The following MFGE8 variants were observed in gnomAD, a reference collection of about 807,000 sequenced individuals.
MFGE8 encodes milk fat globule EGF and factor V/VIII domain containing.
Under a neutral mutation model 42.6 loss-of-function variants are expected in MFGE8, and 34 were observed. That is an observed-to-expected ratio of 0.80 (90% CI 0.61 to 1.06). The LOEUF (loss-of-function observed/expected upper bound fraction) is 1.06, where lower values mean the gene tolerates loss of function less well. Ranked by LOEUF, MFGE8 falls within the 50% of genes least tolerant of loss-of-function variation. The pLI is 0.00. For synonymous variants in MFGE8, 230 were observed against 214.8 expected (o/e 1.07, Z -0.62); for missense variants, 510 against 516.9 (o/e 0.99, Z 0.13).
intron 2 of MFGE8, among the ~76,000 whole-genome samples, 192 bp from the exon 3 acceptor site, chr15:88,907,568 A>G (rs1898751404): frequency 6.6e-6 from 1 of 152,180 alleles, no homozygotes; most frequent in Non-Finnish European, 1.5e-5. Context: ...AGGTGCCAAG[A>G]AAAGGTATGT....
At chr15:88,904,637 C>G (rs775054140) in intron 5 of MFGE8, 1 of 152,212 alleles carries the variant, frequency 6.6e-6, no homozygotes, top group Non-Finnish European at 1.5e-5. Flanking sequence ...TTCCTTCTAG[C>G]AGAAGGCAAA....
chr15:88,904,280 A>C (rs563792576), intron 5 of MFGE8: 5 of 152,360 alleles, frequency 3.3e-5, no homozygotes, highest in African/African-American at 9.6e-5. Context: ...TACCAAAGAC[A>C]CCATATGTCT....
At chr15:88,909,659 G>C (rs1567024379) in intron 2 of MFGE8, 133 bp downstream of exon 2, 1 of 1,316,804 alleles carries the variant, frequency 7.6e-7, no homozygotes, top group Non-Finnish European at 1.1e-6. Context: ...AGTCTCCCCA[G>C]AGGAGGCCTT....
At position 88,899,353 on chromosome 15, in the gene MFGE8, G is replaced by C; in HGVS notation, c.*42C>G. The C allele has an allele frequency of 6.2e-7, 1 of 1,612,416 alleles. No individual in the cohort carries two copies. Among genetic ancestry groups the C allele is most frequent in the Non-Finnish European group, 8.5e-7 (1 of 1,179,852 alleles). Reference sequence around the variant, plus strand: ...GGGGCTGAGAAGCCAAGAGGCAGCGGGCCCATGGAAAGCAGGAAGACCTGG... The same window carrying C: ...GGGGCTGAGAAGCCAAGAGGCAGCGCGCCCATGGAAAGCAGGAAGACCTGG... On this transcript the variant is annotated 3_prime_UTR_variant, in exon 8 of 8. Transcript: ENST00000268150. This position sits in a 1 kb window ranked among gnomAD's most constrained non-coding sequence, Gnocchi z 6.8.
rs1163775663 is a variant in MFGE8 at position 88,905,534 on chromosome 15, A to G, written c.685+223T>C. 6 of 700,636 alleles carry G rather than the reference A, an allele frequency of 8.6e-6. No individual in the cohort carries two copies. Among genetic ancestry groups the G allele is most frequent in the Admixed American group, 4.0e-5 (2 of 49,714 alleles). The allele number at this position is 700,636 out of a possible 1,614,324, so 43.4% of individuals were successfully genotyped here. A position where few individuals can be genotyped will look rare whatever the true frequency, so the allele number is the denominator to read the frequency against. On this transcript the variant is annotated intron_variant, in intron 5 of 7. Transcript: ENST00000268150. This position sits in a 1 kb window ranked among gnomAD's most constrained non-coding sequence, Gnocchi z 6.6. ...TTTGAAAACTGATGTCTTTTTCTCT[A>G]TCAATCAGAATGCCCTGGGTCATGG...
intron 1 of MFGE8, chr15:88,912,259 G>T: frequency 7.8e-7 from 1 of 1,289,670 alleles, no homozygotes; most frequent in Non-Finnish European, 1.0e-6. Context: ...TCAGGTTGGG[G>T]GGTACAGGGA....
rs759728254 is a variant in MFGE8 at position 88,899,794 on chromosome 15, C to T, written c.888G>A (p.Ser296=). 9.9e-6 allele frequency: 16 copies of T among 1,613,858 alleles called. No individual in the cohort carries two copies. In the Admixed American group the frequency reaches 1.2e-4, roughly 12 times the overall value. ...DQWLQVDLGS[S]KEVTGIITQG... ...GGGTGATGATGCCTGTCACCTCCTT[C>T]GAGGAGCCCAGGTCCACCTACAGAA... The change falls in exon 7 of 8, where the codon TCG becomes TCA. Residue 296 remains serine, a synonymous_variant. Transcript: ENST00000268150. This position sits in a 1 kb window ranked among gnomAD's most constrained non-coding sequence, Gnocchi z 6.8.
chr15:88,907,710 C>T (rs1898761951), intron 2 of MFGE8, among the ~76,000 whole-genome samples: 1 of 151,066 alleles, frequency 6.6e-6, no homozygotes, highest in African/African-American at 2.4e-5. Context: ...GTAGAGTCCC[C>T]CCCGCCAGGC....
intron 6 of MFGE8, among the ~76,000 whole-genome samples, chr15:88,900,238 T>A (rs1416610581): frequency 1.5e-5 from 2 of 133,612 alleles, no homozygotes; most frequent in East Asian, 4.3e-4. Context: ...CAAGGCTCTG[T>A]CTCAGAAAAA....
Position 88,901,669 on chromosome 15 carries a change from C to T in MFGE8, c.752G>A (p.Ser251Asn). ...GAGATGCAAGCCCCAGGTCTTGTAGCTGCTGGAGGCCGTGATCTGCTTGTC... is the reference window on the plus strand; with the variant it reads ...GAGATGCAAGCCCCAGGTCTTGTAGTTGCTGGAGGCCGTGATCTGCTTGTC... Reference protein sequence around the residue: ...IPDKQITASSSYKTWGLHLFS... With the variant: ...IPDKQITASSNYKTWGLHLFS... Residue 251 changes from serine (S) to asparagine (N), a missense_variant, in exon 6 of 8, where the codon AGC (serine) becomes AAC (asparagine). By Grantham distance (46) the Ser-to-Asn change is conservative. Coordinates refer to ENST00000268150, the MANE Select transcript of MFGE8 (RefSeq NM_005928.4). The T allele has an allele frequency of 6.2e-7, 1 of 1,613,952 alleles. No individual in the cohort carries two copies. The highest frequency in any genetic ancestry group is 8.5e-7 in the Non-Finnish European group (1 of 1,180,012).
At position 88,906,240 on chromosome 15, in the gene MFGE8, G is replaced by C. The variant is rs1481634300; in HGVS notation, c.541-339C>G. On this transcript the variant is annotated intron_variant, in intron 4 of 7. Transcript: ENST00000268150. The surrounding 1 kb of genome is among the most constrained non-coding windows in gnomAD (Gnocchi z 4.2). ...AGTTTATTATGACAATTTTCTGACA[G>C]AGTTCCACAAATGTACAATGCCTGT... 1 of 460,610 alleles carries C rather than the reference G, an allele frequency of 2.2e-6. No homozygotes were observed. The highest frequency in any genetic ancestry group is 2.1e-5 in the South Asian group (1 of 47,492). 28.5% of individuals were successfully genotyped at this position (460,610 alleles called of 1,614,324 possible). A position where few individuals can be genotyped will look rare whatever the true frequency, so the allele number is the denominator to read the frequency against.
chr15:88,908,104 C>G lies in MFGE8; in HGVS notation c.206-728G>C, dbSNP rs369277883. On this transcript the variant is annotated intron_variant, in intron 2 of 7. Transcript: ENST00000268150. ...TGCCCGTGGCCAAGGCCCCACCCCC[C>G]TCACCATCACTCCAGCAGTGTGGTC... Among the ~76,000 whole-genome samples the G allele has an allele frequency of 3.7e-3, 558 of 152,290 alleles. 21 individuals are homozygous for G. In the South Asian group the frequency reaches 0.092, roughly 25 times the overall value.
At position 88,907,365 on chromosome 15, in the gene MFGE8, G is replaced by C. The variant is rs1307691311; in HGVS notation, c.217C>G (p.Pro73Ala). 6.2e-7 allele frequency: 1 copy of C among 1,614,172 alleles called. No individual in the cohort carries two copies. Residue 73 changes from proline to alanine, a missense_variant, in exon 3 of 8, where the codon CCA becomes GCA. By Grantham distance (27) the Pro-to-Ala change is conservative. Transcript: ENST00000268150. Reference sequence around the variant, plus strand: ...ATGTTCCCATTCTCCAGGCCCAGTGGCTCGACACATTCTGAGGGAAGGGAG... The same window carrying C: ...ATGTTCCCATTCTCCAGGCCCAGTGCCTCGACACATTCTGAGGGAAGGGAG... ...GNHCETKCVE[P>A]LGLENGNIAN...
chr15:88,912,009 G>A lies in MFGE8; in HGVS notation c.73+1238C>T, dbSNP rs1198166072. On this transcript the variant is annotated intron_variant, in intron 1 of 7. Transcript: ENST00000268150. ...ATTGACACAGACAGAGGCTTGGGTT[G>A]GGAATGGACTCTTCCCTCCCAACTG... 4 of 755,428 alleles carry A rather than the reference G, an allele frequency of 5.3e-6. No individual in the cohort carries two copies. The Admixed American group carries it at 9.8e-5, about 18-fold the overall frequency. The allele number at this position is 755,428 out of a possible 1,614,324, so 46.8% of individuals were successfully genotyped here. A position where few individuals can be genotyped will look rare whatever the true frequency, so the allele number is the denominator to read the frequency against.
At chr15:88,910,000 C>T in intron 1 of MFGE8, 77 bp from the exon 2 acceptor site, 1 of 1,583,510 alleles carries the variant, frequency 6.3e-7, no homozygotes, top group South Asian at 1.1e-5. Context: ...GCAGATGGGT[C>T]CAGCCCAAAA....
intron 1 of MFGE8, chr15:88,911,973 CG>C (rs1280335245): frequency 4.1e-6 from 2 of 490,176 alleles, no homozygotes; most frequent in Non-Finnish European, 7.0e-6. Flanking sequence ...ACCTGGCAGG[CG>C]GGGGCGAGCA....
At chr15:88,910,247 A>C in intron 1 of MFGE8, 1 of 370,502 alleles carries the variant, frequency 2.7e-6, no homozygotes, top group South Asian at 2.1e-5. Context: ...TGGGGTCTGG[A>C]GAGGCAGGCA....
At chr15:88,912,318 G>A in intron 1 of MFGE8, 3 of 1,265,334 alleles carry the variant, frequency 2.4e-6, no homozygotes, top group Non-Finnish European at 3.1e-6. Flanking sequence ...TGGTGGCCGG[G>A]GAGGGCCAGG....
In MFGE8 at chr15:88,899,592, AG is replaced by A; in HGVS notation, c.1027-61del. 1 of 1,614,090 alleles carries A rather than the reference AG, an allele frequency of 6.2e-7. No homozygotes were observed. The highest frequency in any genetic ancestry group is 1.3e-5 in the African/African-American group (1 of 75,044). The stretch of plus-strand genomic sequence containing the variant: ...CCAGCCCCCCTCCCCTCAGAGCCCC[AG>A]GCCAGACTCCCAGGGAAGTAATGAA... On this transcript the variant is annotated intron_variant, in intron 7 of 7. Transcript: ENST00000268150. The surrounding 1 kb of genome is among the most constrained non-coding windows in gnomAD (Gnocchi z 6.8).
Sources: allele counts gnomAD v4.1 joint callset (sites outside exome capture counted in the v4.1 genomes callset), GRCh38; gene constraint gnomAD v4.1.1; non-coding constraint Gnocchi (gnomAD v3.1); transcripts MANE v1.5; gene names NCBI Gene and HGNC (gene_info 2026-07-23, HGNC 2026-07-21).